ATL1: variants seen among roughly 807,000 people sequenced by gnomAD.
ATL1 encodes atlastin GTPase 1, also known as atlastin-1.
Under a neutral mutation model 75.5 loss-of-function variants are expected in ATL1, and 31 were observed. The ratio of observed to expected loss-of-function variants is 0.41; its 90% CI spans 0.31 to 0.55. ATL1 has a LOEUF of 0.55. Ranked by LOEUF, ATL1 falls within the 20% of genes least tolerant of loss-of-function variation. The probability of loss-of-function intolerance (pLI) is 0.27; values close to 1 mark genes in which losing one functional copy is unlikely to be tolerated. For synonymous variants in ATL1, 226 were observed against 233.3 expected (o/e 0.97, Z 0.28); for missense variants, 405 against 662.6 (o/e 0.61, Z 4.27).
At chr14:50,566,836 CT>C (rs2038908188) in intron 1 of ATL1, among the ~76,000 whole-genome samples, 1 of 151,892 alleles carries the variant, frequency 6.6e-6, no homozygotes, top group South Asian at 2.1e-4. Flanking sequence ...CAATATTTTC[CT>C]TTATGGCTTG....
chr14:50,597,760 TCTCGGC>T (rs1421351039), intron 6 of ATL1, among the ~76,000 whole-genome samples: 3 of 152,142 alleles, frequency 2.0e-5, no homozygotes, highest in Non-Finnish European at 1.5e-5. Flanking sequence ...AGTGGTGCGA[TCTCGGC>T]TCACTGCAAG....
chr14:50,598,483 C>T (rs1361294769), intron 6 of ATL1, among the ~76,000 whole-genome samples: 1 of 152,038 alleles, frequency 6.6e-6, no homozygotes, highest in African/African-American at 2.4e-5. Flanking sequence ...GCTTCAGCCT[C>T]CCAAGTAGCT....
rs372066395 is a variant in ATL1 at position 50,597,220 on chromosome 14, C to CAAAAAAAAAAAA, written c.630+1590_630+1601dup. 4.0e-3 allele frequency among the ~76,000 whole-genome samples: 434 copies of CAAAAAAAAAAAA among 107,570 alleles called. 1 individual carries two copies. The highest frequency in any genetic ancestry group is 0.011 in the East Asian group (41 of 3,882). 70.6% of individuals were successfully genotyped at this position (107,570 alleles called of 152,430 possible). ...CAAGACTCTGTCTCAAAAAAACAAA[C>CAAAAAAAAAAAA]AAAAAAAAAAAAAGAAAAAAGAAAA... On this transcript the variant is annotated intron_variant, in intron 6 of 13. Coordinates refer to ENST00000358385, the MANE Select transcript of ATL1 (RefSeq NM_015915.5).
chr14:50,571,482 A>AAG (rs1313470235), intron 1 of ATL1, among the ~76,000 whole-genome samples: 20 of 152,220 alleles, frequency 1.3e-4, no homozygotes, highest in African/African-American at 4.3e-4. Context: ...TCATCAGATT[A>AAG]AGACTTCATC....
At chr14:50,565,274 A>G (rs2038892470) in intron 1 of ATL1, among the ~76,000 whole-genome samples, 1 of 152,094 alleles carries the variant, frequency 6.6e-6, no homozygotes, top group African/African-American at 2.4e-5. Flanking sequence ...TGGGCCACAG[A>G]GTGAGACTCC....
rs563476798 is a variant in ATL1 at position 50,571,922 on chromosome 14, C to A, written c.34+11623C>A. 3.8e-5 allele frequency: 11 copies of A among 287,206 alleles called. No individual in the cohort carries two copies. The South Asian group carries it at 4.6e-4, about 12-fold the overall frequency. The allele number at this position is 287,206 out of a possible 1,614,324, so 17.8% of individuals were successfully genotyped here. A position where few individuals can be genotyped will look rare whatever the true frequency, so the allele number is the denominator to read the frequency against. On this transcript the variant is annotated intron_variant, in intron 1 of 13. Transcript: ENST00000358385. ...CTGAATGGTCATTATTTATACATTC[C>A]AAGTCTTCTAACATGATGGTACTAT...
At chr14:50,597,836 A>G (rs566046997) in intron 6 of ATL1, among the ~76,000 whole-genome samples, 205 of 152,182 alleles carry the variant, frequency 1.3e-3, no homozygotes, top group African/African-American at 4.6e-3. Flanking sequence ...CTGAGACTAC[A>G]GGTGCCCGCC....
intron 6 of ATL1, among the ~76,000 whole-genome samples, chr14:50,608,773 G>C (rs1016835066): frequency 3.3e-5 from 5 of 151,728 alleles, no homozygotes; most frequent in African/African-American, 1.2e-4. Flanking sequence ...CCTCTATTTT[G>C]AAAAAATTAC....
intron 8 of ATL1, among the ~76,000 whole-genome samples, chr14:50,619,706 C>G (rs1272683097): frequency 6.6e-6 from 1 of 152,166 alleles, no homozygotes; most frequent in Non-Finnish European, 1.5e-5. Context: ...GCTTAAGTGG[C>G]CTTTTCTTGC....
At chr14:50,578,793 A>G (rs976356086) in intron 1 of ATL1, among the ~76,000 whole-genome samples, 2 of 152,186 alleles carry the variant, frequency 1.3e-5, no homozygotes, top group African/African-American at 4.8e-5. Context: ...TTGCATATGT[A>G]TGAGTATATC....
chr14:50,556,042 C>G (rs755503037), upstream of ATL1, among the ~76,000 whole-genome samples: 16 of 152,026 alleles, frequency 1.1e-4, no homozygotes, highest in Admixed American at 2.6e-4. Context: ...GGAGTAACAT[C>G]CCGGAAGAGT....
chr14:50,597,757 C>T (rs567528071), intron 6 of ATL1, among the ~76,000 whole-genome samples: 20 of 152,098 alleles, frequency 1.3e-4, no homozygotes, highest in African/African-American at 3.6e-4. Flanking sequence ...TGCAGTGGTG[C>T]GATCTCGGCT....
intron 1 of ATL1, among the ~76,000 whole-genome samples, chr14:50,542,006 C>CAAAAAAAAAAA (rs59075218): frequency 1.6e-5 from 1 of 62,480 alleles, no homozygotes; most frequent in African/African-American, 7.9e-5. Context: ...GATTCCGTCT[C>CAAAAAAAAAAA]AAAAAAAAAA....
upstream of ATL1, among the ~76,000 whole-genome samples, chr14:50,555,499 G>C (rs1265289016): frequency 6.6e-6 from 1 of 152,162 alleles, no homozygotes; most frequent in African/African-American, 2.4e-5. Flanking sequence ...GCCCAGGCTG[G>C]TTTGAAACTC....
intron 1 of ATL1, among the ~76,000 whole-genome samples, chr14:50,549,171 A>AC (rs1401130728): frequency 1.3e-5 from 2 of 152,074 alleles, no homozygotes; most frequent in Non-Finnish European, 2.9e-5. Context: ...ATATAAGGGG[A>AC]CCCCACCAAT....
intron 4 of ATL1, among the ~76,000 whole-genome samples, chr14:50,593,270 G>A (rs1373839327): frequency 1.3e-5 from 2 of 151,880 alleles, no homozygotes; most frequent in African/African-American, 4.8e-5. Context: ...TAAGTATACA[G>A]AGCATTCTTT....
chr14:50,534,074 A>T (rs1046828011), intron 1 of ATL1, among the ~76,000 whole-genome samples: 2 of 152,170 alleles, frequency 1.3e-5, no homozygotes, highest in African/African-American at 4.8e-5. Context: ...ATCTCTTCAA[A>T]TGTTCTATTG....
intron 8 of ATL1, among the ~76,000 whole-genome samples, chr14:50,618,432 G>A (rs1185715445): frequency 3.9e-5 from 6 of 152,014 alleles, no homozygotes; most frequent in Non-Finnish European, 8.8e-5. Context: ...AGTGAAAATT[G>A]GTACAATGCA....
chr14:50,536,164 G>A (rs1275609883), intron 1 of ATL1, among the ~76,000 whole-genome samples: 1 of 152,218 alleles, frequency 6.6e-6, no homozygotes, highest in Admixed American at 6.5e-5. Flanking sequence ...TTAAATTGAG[G>A]TCTGGCGCCA....
Sources: gnomAD v4.1 joint callset for allele counts (sites outside exome capture counted in the v4.1 genomes callset) on GRCh38, gnomAD v4.1.1 for gene constraint, MANE v1.5 for transcripts, NCBI Gene and HGNC (gene_info 2026-07-23, HGNC 2026-07-21) for gene names.